Variants in BTRC observed in about 807,000 individuals in gnomAD.
The protein encoded by BTRC is beta-transducin repeat containing E3 ubiquitin protein ligase.
Under a neutral mutation model 85.5 loss-of-function variants are expected in BTRC, and 42 were observed. That is an observed-to-expected ratio of 0.49 (90% confidence interval 0.38 to 0.64). BTRC has a LOEUF of 0.64. BTRC is among the 30% of genes least tolerant of loss of function. The pLI, the probability that BTRC is intolerant of heterozygous loss-of-function variation, is 0.00. For synonymous variants in BTRC, 255 were observed against 263.3 expected (o/e 0.97, Z 0.30); for missense variants, 594 against 743.5 (o/e 0.80, Z 2.34).
At chr10:101,458,519 A>G (rs906244608) in intron 2 of BTRC, among the ~76,000 whole-genome samples, 4 of 152,228 alleles carry the variant, frequency 2.6e-5, no homozygotes, top group Non-Finnish European at 5.9e-5. Context: ...TGGGGAAACA[A>G]TCAGGAAATT....
intron 4 of BTRC, among the ~76,000 whole-genome samples, chr10:101,494,842 T>C (rs750131216): frequency 1.5e-4 from 23 of 152,212 alleles, no homozygotes; most frequent in Non-Finnish European, 2.9e-4. Flanking sequence ...GCATCACATC[T>C]AAATTATACT....
Position 101,383,784 on chromosome 10 carries a change from G to A in BTRC, c.48+29556G>A, listed in dbSNP as rs182973500. On this transcript the variant is annotated intron_variant, in intron 1 of 14. Transcript: ENST00000370187. The stretch of plus-strand genomic sequence containing the variant: ...TTTGATGAATGTTGGGAAAATTTTG[G>A]CAATTGGCTAAATTACTGAATAGGA... 8.5e-4 allele frequency among the ~76,000 whole-genome samples: 130 copies of A among 152,266 alleles called. 1 individual carries two copies. The Middle Eastern group carries it at 0.01, about 12-fold the overall frequency.
At chr10:101,453,145 A>C (rs1423138488) in intron 2 of BTRC, among the ~76,000 whole-genome samples, 1 of 152,234 alleles carries the variant, frequency 6.6e-6, no homozygotes, top group Non-Finnish European at 1.5e-5. Context: ...AATTAGCTCC[A>C]AGTCACATAA....
intron 1 of BTRC, among the ~76,000 whole-genome samples, chr10:101,393,508 A>C (rs1943288650): frequency 1.3e-5 from 2 of 152,192 alleles, no homozygotes; most frequent in African/African-American, 2.4e-5. Flanking sequence ...CATAGCAGTT[A>C]ACAAGAATGC....
chr10:101,531,328 A>C lies in BTRC; in HGVS notation c.835A>C (p.Ile279Leu), dbSNP rs2062277800. The stretch of plus-strand genomic sequence containing the variant: ...ACTTTATCCTAAAATTATACAAGAC[A>C]TTGAGGTAAGAATCTATGTATTTTG... ...RALYPKIIQD[I>L]ETIESNWRCG... Residue 279 changes from isoleucine to leucine, a missense_variant, in exon 7 of 15, where the codon ATT becomes CTT. Physicochemically the swap from Ile to Leu is conservative, Grantham distance 5. Around this residue, in one of 4 missense-constraint regions of BTRC, gnomAD observed 373 missense variants for 503.6 expected, o/e 0.74. Transcript: ENST00000370187. The C allele has an allele frequency of 1.3e-6, 2 of 1,591,336 alleles. No individual in the cohort carries two copies. The highest frequency in any genetic ancestry group is 1.7e-6 in the Non-Finnish European group (2 of 1,160,110).
chr10:101,419,202 G>A (rs1229075141), intron 1 of BTRC, among the ~76,000 whole-genome samples: 1 of 151,780 alleles, frequency 6.6e-6, no homozygotes, highest in African/African-American at 2.4e-5. Context: ...GTAGAGACAG[G>A]GTTTCACCAT....
intron 1 of BTRC, among the ~76,000 whole-genome samples, chr10:101,385,521 A>C (rs1436726102): frequency 6.6e-6 from 1 of 150,778 alleles, no homozygotes; most frequent in East Asian, 1.9e-4. Flanking sequence ...ATTTGCATGG[A>C]GTCATAGGAT....
intron 2 of BTRC, chr10:101,453,592 G>T (rs564904743): frequency 6.6e-6 from 1 of 152,266 alleles, no homozygotes; most frequent in Non-Finnish European, 1.5e-5. Context: ...TTTCATCACT[G>T]TGTAAATTAG....
chr10:101,467,514 T>C (rs917958746), intron 3 of BTRC, among the ~76,000 whole-genome samples: 1 of 152,174 alleles, frequency 6.6e-6, no homozygotes, highest in African/African-American at 2.4e-5. Flanking sequence ...GCACTTTGGC[T>C]TGGCAGTAGG....
rs570750802 is a variant in BTRC at position 101,539,737 on chromosome 10, T to G, written c.1656+1366T>G. Among the ~76,000 whole-genome samples the G allele has an allele frequency of 2.0e-5, 3 of 152,354 alleles. No homozygotes were observed. The East Asian group carries it at 5.8e-4, about 29-fold the overall frequency. ...TATGGTAAGTGTATGTTTAAAATTT[T>G]TAGAAACTGCCAAACTGTTTTTCAA... On this transcript the variant is annotated intron_variant, in intron 13 of 14. Transcript: ENST00000370187.
intron 4 of BTRC, among the ~76,000 whole-genome samples, chr10:101,502,431 T>G (rs1946420161): frequency 6.6e-6 from 1 of 152,208 alleles, no homozygotes; most frequent in African/African-American, 2.4e-5. Context: ...TTATTCCATA[T>G]TGTAGAAGAT....
At chr10:101,541,335 C>T (rs192596685) in intron 13 of BTRC, among the ~76,000 whole-genome samples, 10 of 152,206 alleles carry the variant, frequency 6.6e-5, no homozygotes, top group Admixed American at 2.0e-4. Flanking sequence ...TCTCAGCGCA[C>T]TGCAAGCTCT....
At chr10:101,446,124 C>A (rs1213805198) in intron 2 of BTRC, among the ~76,000 whole-genome samples, 1 of 140,990 alleles carries the variant, frequency 7.1e-6, no homozygotes, top group East Asian at 2.3e-4. Context: ...CCCCAACCCC[C>A]TCCGTGCTCA....
chr10:101,404,030 A>ATATATATATATATTTTTT (rs1232082481), intron 1 of BTRC, among the ~76,000 whole-genome samples: 1 of 25,424 alleles, frequency 3.9e-5, no homozygotes, highest in African/African-American at 1.9e-4. Context: ...ATATATATAT[A>ATATATATATATATTTTTT]TTTTTTTTTT....
At chr10:101,443,554 A>G (rs780124668) in intron 2 of BTRC, among the ~76,000 whole-genome samples, 24 of 152,344 alleles carry the variant, frequency 1.6e-4, no homozygotes, top group Middle Eastern at 3.4e-3. Context: ...TAAAACGATC[A>G]CTTTCCATTT....
At position 101,554,524 on chromosome 10, in the gene BTRC, A is replaced by G. The variant is rs1189710200; in HGVS notation, c.*1401A>G. The G allele has an allele frequency of 6.6e-6, 1 of 152,640 alleles. No homozygotes were observed. Among genetic ancestry groups the G allele is most frequent in the Non-Finnish European group, 1.5e-5 (1 of 68,036 alleles). 9.5% of individuals were successfully genotyped at this position (152,640 alleles called of 1,614,324 possible). On this transcript the variant is annotated 3_prime_UTR_variant, in exon 15 of 15. Transcript: ENST00000370187. ...CCTTCCTTCTGCTTCTCCCACACCCAGTATTTGCAGAAGGGCAAAGCTGCT... is the reference window on the plus strand; with the variant it reads ...CCTTCCTTCTGCTTCTCCCACACCCGGTATTTGCAGAAGGGCAAAGCTGCT...
At chr10:101,414,151 G>T (rs1225852586) in intron 1 of BTRC, among the ~76,000 whole-genome samples, 2 of 151,954 alleles carry the variant, frequency 1.3e-5, no homozygotes, top group Non-Finnish European at 2.9e-5. Context: ...TCAGCTCCTG[G>T]CAACCACCAT....
chr10:101,411,673 T>G (rs967106088), intron 1 of BTRC, among the ~76,000 whole-genome samples: 2 of 152,034 alleles, frequency 1.3e-5, no homozygotes, highest in Non-Finnish European at 2.9e-5. Flanking sequence ...TTCATGTTAT[T>G]ATAGCTGTTT....
chr10:101,405,189 G>A (rs1029966641), intron 1 of BTRC, among the ~76,000 whole-genome samples: 2 of 151,734 alleles, frequency 1.3e-5, no homozygotes, highest in African/African-American at 2.4e-5. Flanking sequence ...CAGCCAGAAA[G>A]CTAGGACTTT....
Sources: gnomAD v4.1 joint callset for allele counts (sites outside exome capture counted in the v4.1 genomes callset) on GRCh38, gnomAD v4.1.1 for gene constraint, gnomAD v4.1.1 regional missense constraint, MANE v1.5 for transcripts, NCBI Gene and HGNC (gene_info 2026-07-23, HGNC 2026-07-21) for gene names.